DISC1: variants seen among roughly 807,000 people sequenced by gnomAD.
The protein encoded by DISC1 is DISC1 scaffold protein.
In DISC1, 57 loss-of-function variants were observed where a neutral mutation model predicts 84.5. The ratio of observed to expected loss-of-function variants is 0.67; its 90% confidence interval spans 0.55 to 0.84. The LOEUF (loss-of-function observed/expected upper bound fraction) is 0.84, where lower values mean the gene tolerates loss of function less well. DISC1 is among the 40% of genes least tolerant of loss of function. DISC1 has a pLI of 0.00. For missense variants in DISC1, 1,000 were observed against 1,057.8 expected, an observed-to-expected ratio of 0.95 and a Z score of 0.76; for synonymous variants, 411 against 415.2, an observed-to-expected ratio of 0.99 and a Z score of 0.12.
intron 1 of DISC1, among the ~76,000 whole-genome samples, chr1:231,686,873 G>C (rs147002376): frequency 0.033 from 5,036 of 152,164 alleles, 122 homozygotes; most frequent in Middle Eastern, 0.078. Flanking sequence ...AATTTCTTCC[G>C]CCAGATACCC....
chr1:231,722,747 C>T (rs1558423789), intron 3 of DISC1: 1 of 1,519,094 alleles, frequency 6.6e-7, no homozygotes, highest in Non-Finnish European at 8.8e-7. Flanking sequence ...ATATTCCTCT[C>T]CCTTTTAACA....
At chr1:231,694,875 G>C in intron 2 of DISC1, 70 bp downstream of exon 2, 1 of 1,575,026 alleles carries the variant, frequency 6.3e-7, no homozygotes, top group Non-Finnish European at 8.6e-7. Context: ...CAGACGGCAG[G>C]AAACGAGGGG....
intron 1 of DISC1, among the ~76,000 whole-genome samples, chr1:231,651,111 C>T (rs569788261): frequency 1.3e-5 from 2 of 152,110 alleles, no homozygotes; most frequent in Non-Finnish European, 2.9e-5. Context: ...CTGTTGCTGG[C>T]GAGGAGCTGT....
intron 9 of DISC1, among the ~76,000 whole-genome samples, chr1:231,902,413 C>T (rs762505283): frequency 3.9e-5 from 6 of 151,992 alleles, no homozygotes; most frequent in Non-Finnish European, 2.9e-5. Flanking sequence ...TCAGTCTGGC[C>T]AACATGATGA....
At chr1:231,790,145 CAA>C (rs1312302911) in intron 6 of DISC1, among the ~76,000 whole-genome samples, 2 of 152,122 alleles carry the variant, frequency 1.3e-5, no homozygotes, top group African/African-American at 2.4e-5. Flanking sequence ...CTGAAGAAAA[CAA>C]AAGAGTGCCG....
intron 3 of DISC1, among the ~76,000 whole-genome samples, chr1:231,710,632 G>C (rs1054202307): frequency 3.3e-5 from 5 of 152,152 alleles, no homozygotes; most frequent in Non-Finnish European, 5.9e-5. Flanking sequence ...AGTAGGGTTG[G>C]TCTCTTCTGA....
Position 231,723,148 on chromosome 1 carries a change from C to T in DISC1, c.1117+21124C>T, listed in dbSNP as rs1019381138. The T allele has an allele frequency of 2.3e-5, 21 of 907,208 alleles. No individual in the cohort carries two copies. The East Asian group carries it at 9.7e-4, about 42-fold the overall frequency. 56.2% of individuals were successfully genotyped at this position (907,208 alleles called of 1,614,324 possible). On this transcript the variant is annotated intron_variant, in intron 3 of 12. Transcript: ENST00000439617. Reference sequence around the variant, plus strand: ...CTTGTTTTCAGTGGATATGAAAAGTCGGCCCTCCATATCTGCAGGTTTTAC... The same window carrying T: ...CTTGTTTTCAGTGGATATGAAAAGTTGGCCCTCCATATCTGCAGGTTTTAC...
At chr1:231,894,152 G>C (rs904851504) in intron 9 of DISC1, among the ~76,000 whole-genome samples, 1 of 152,128 alleles carries the variant, frequency 6.6e-6, no homozygotes, top group Non-Finnish European at 1.5e-5. Context: ...CTTTAAAATG[G>C]TCCCAGAGTA....
rs75194247 is a variant in DISC1 at position 231,966,008 on chromosome 1, A to G, written c.2042+7120A>G. ...TGGTATTCTAAGGTTTCCATGCCTT[A>G]CTTTCCTTGTATTCTAAGTGGTTGT... On this transcript the variant is annotated intron_variant, in intron 10 of 12. Coordinates refer to ENST00000439617, the MANE Select transcript of DISC1 (RefSeq NM_018662.3). Among the ~76,000 whole-genome samples the G allele has an allele frequency of 2.2e-4, 34 of 152,332 alleles. No individual in the cohort carries two copies. The East Asian group carries it at 5.2e-3, about 23-fold the overall frequency.
chr1:231,904,594 T>G (rs906987663), intron 9 of DISC1, among the ~76,000 whole-genome samples: 2 of 152,194 alleles, frequency 1.3e-5, no homozygotes, highest in Admixed American at 6.5e-5. Context: ...AGTGTGTATA[T>G]GTACACATGC....
chr1:231,840,857 G>A (rs1359575865), intron 9 of DISC1, among the ~76,000 whole-genome samples: 1 of 152,024 alleles, frequency 6.6e-6, no homozygotes, highest in African/African-American at 2.4e-5. Context: ...TGTGGTGATG[G>A]TTACAAGTTA....
At chr1:231,952,995 GT>G (rs920596383) in intron 9 of DISC1, among the ~76,000 whole-genome samples, 44 of 152,252 alleles carry the variant, frequency 2.9e-4, no homozygotes, top group African/African-American at 1.0e-3. Flanking sequence ...GAAGTCATGT[GT>G]TTTGTAACAA....
chr1:231,869,177 G>C (rs1185991457), intron 9 of DISC1, among the ~76,000 whole-genome samples: 1 of 152,164 alleles, frequency 6.6e-6, no homozygotes. Flanking sequence ...GAATGAATGA[G>C]TGAATGAAAA....
At chr1:231,805,782 CA>C (rs921567468) in intron 8 of DISC1, among the ~76,000 whole-genome samples, 1 of 152,174 alleles carries the variant, frequency 6.6e-6, no homozygotes, top group African/African-American at 2.4e-5. Flanking sequence ...GATGGGGACA[CA>C]GATCCAAACC....
chr1:231,881,534 G>A (rs1399460929), intron 9 of DISC1, among the ~76,000 whole-genome samples: 2 of 152,078 alleles, frequency 1.3e-5, no homozygotes, highest in Non-Finnish European at 2.9e-5. Context: ...GATTACCTCT[G>A]TAAAGACCCT....
Position 231,793,889 on chromosome 1 carries a change from T to G in DISC1, c.1635-1353T>G, listed in dbSNP as rs116008552. 7.0e-3 allele frequency among the ~76,000 whole-genome samples: 1,072 copies of G among 152,306 alleles called. 12 individuals are homozygous for G. Among genetic ancestry groups the G allele is most frequent in the African/African-American group, 0.024 (1,004 of 41,570 alleles). On this transcript the variant is annotated intron_variant, in intron 6 of 12. Transcript: ENST00000439617. ...TTATCCACTACTAGGATTAAACAAATAGTAGAATTTACCCCATATTTACTT... is the reference window on the plus strand; with the variant it reads ...TTATCCACTACTAGGATTAAACAAAGAGTAGAATTTACCCCATATTTACTT...
chr1:231,940,028 C>T (rs757761558), intron 9 of DISC1, among the ~76,000 whole-genome samples: 19 of 151,904 alleles, frequency 1.3e-4, no homozygotes, highest in Non-Finnish European at 2.5e-4. Context: ...CAGGTATGGG[C>T]CACCATGCCT....
At chr1:231,906,233 G>A (rs2088627670) in intron 9 of DISC1, among the ~76,000 whole-genome samples, 1 of 152,092 alleles carries the variant, frequency 6.6e-6, no homozygotes, top group Non-Finnish European at 1.5e-5. Flanking sequence ...TGTTGGTCAG[G>A]CTAGTCTTGA....
At chr1:231,998,046 A>T (rs539906612) in intron 10 of DISC1, among the ~76,000 whole-genome samples, 46 of 152,354 alleles carry the variant, frequency 3.0e-4, no homozygotes, top group African/African-American at 9.1e-4. Flanking sequence ...TGTTGGAAAC[A>T]TGACATAAAA....
Sources: allele counts gnomAD v4.1 joint callset (sites outside exome capture counted in the v4.1 genomes callset), GRCh38; gene constraint gnomAD v4.1.1; transcripts MANE v1.5; gene names NCBI Gene and HGNC (gene_info 2026-07-23, HGNC 2026-07-21).